Variants in MFHAS1 observed in about 807,000 individuals in gnomAD.
MFHAS1 encodes the protein multifunctional ROCO family signaling regulator 1.
A neutral mutation model predicts 70.4 loss-of-function variants in MFHAS1; 50 were observed. The ratio of observed to expected loss-of-function variants is 0.71; its 90% confidence interval spans 0.57 to 0.90. The LOEUF (loss-of-function observed/expected upper bound fraction) is 0.90. Among genes scored for constraint, MFHAS1 ranks in the 40% least tolerant of loss-of-function variants. The probability of loss-of-function intolerance (pLI) is 0.00; values close to 1 mark genes in which losing one functional copy is unlikely to be tolerated. For missense variants in MFHAS1, 1,795 were observed against 1,347.6 expected (o/e 1.33, Z -5.20); for synonymous variants, 952 against 620.0 (o/e 1.54, Z -7.96).
rs576184548 is a variant in MFHAS1 at position 8,787,111 on chromosome 8, C to T, written c.3126-1056G>A. On this transcript the variant is annotated intron_variant, in intron 2 of 2. Transcript: ENST00000276282. ...TTTTTTTTTTTTTGAGACAGAGTCT[C>T]GCTCTGTTGCCCAGGCTGGAGTGCA... is the stretch of plus-strand genomic sequence containing the variant. 3.1e-3 allele frequency among the ~76,000 whole-genome samples: 457 copies of T among 148,886 alleles called. 3 individuals carry two copies. The highest frequency in any genetic ancestry group is 0.01 in the African/African-American group (419 of 40,200).
chr8:8,788,451 G>A lies in MFHAS1; in HGVS notation c.3126-2396C>T, dbSNP rs901239756. Among the ~76,000 whole-genome samples the A allele has an allele frequency of 6.6e-5, 10 of 152,254 alleles. 1 individual carries two copies. The highest frequency in any genetic ancestry group is 2.4e-4 in the African/African-American group (10 of 41,462). On this transcript the variant is annotated intron_variant, in intron 2 of 2. Coordinates refer to ENST00000276282, the MANE Select transcript of MFHAS1 (RefSeq NM_004225.3). ...CCCACTGCTTTGGAAGGCTGAGGCA[G>A]GCAGATCACCTGAGGTCAGGAGTTT...
Position 8,805,183 on chromosome 8 carries a change from A to AT in MFHAS1, c.2999-7693dup, listed in dbSNP as rs768885141. On this transcript the variant is annotated intron_variant, in intron 1 of 2. Transcript: ENST00000276282. ...GGAAAAAACTGCTACTATTTTTCAA[A>AT]TCTCTACCAGAATTTAGTCTCTTCC... Among the ~76,000 whole-genome samples, 10 of 152,288 alleles carry AT rather than the reference A, an allele frequency of 6.6e-5. No individual in the cohort carries two copies. In the South Asian group the frequency reaches 2.1e-3, roughly 32 times the overall value.
chr8:8,867,276 T>C (rs983783191), intron 1 of MFHAS1, among the ~76,000 whole-genome samples: 3 of 152,230 alleles, frequency 2.0e-5, no homozygotes, highest in Non-Finnish European at 4.4e-5. Context: ...TATAAACTTT[T>C]TGTTACATTT....
chr8:8,886,432 C>T lies in MFHAS1; in HGVS notation c.2998+3629G>A, dbSNP rs538164409. ...ATCCTCCTGCCTCAGCCTCCCAAAG[C>T]AAAGGGATTACAGCCCTGAGCCACT... is the stretch of plus-strand genomic sequence containing the variant. On this transcript the variant is annotated intron_variant, in intron 1 of 2. Transcript: ENST00000276282. 3.3e-5 allele frequency among the ~76,000 whole-genome samples: 5 copies of T among 152,078 alleles called. No homozygotes were observed. The South Asian group carries it at 1.0e-3, about 32-fold the overall frequency.
At chr8:8,844,071 G>A (rs1192690240) in intron 1 of MFHAS1, among the ~76,000 whole-genome samples, 1 of 152,200 alleles carries the variant, frequency 6.6e-6, no homozygotes. Flanking sequence ...TGAAAAGAAT[G>A]ACAGATGGAG....
At chr8:8,858,331 T>A (rs1430590196) in intron 1 of MFHAS1, among the ~76,000 whole-genome samples, 1 of 152,174 alleles carries the variant, frequency 6.6e-6, no homozygotes, top group East Asian at 1.9e-4. Flanking sequence ...CTCAGATGTC[T>A]CCATGTCATC....
chr8:8,870,909 A>G (rs1250311433), intron 1 of MFHAS1, among the ~76,000 whole-genome samples: 1 of 152,160 alleles, frequency 6.6e-6, no homozygotes. Flanking sequence ...CATTTCACAC[A>G]AGGAGTCCTT....
intron 1 of MFHAS1, among the ~76,000 whole-genome samples, chr8:8,826,306 T>A (rs529752376): frequency 8.6e-5 from 13 of 151,302 alleles, no homozygotes; most frequent in African/African-American, 2.2e-4. Context: ...CAATATCCCT[T>A]CTCCTCTTCT....
In MFHAS1 at chr8:8,784,484, G is replaced by T. The variant is rs1478675203; in HGVS notation, c.*1538C>A. On this transcript the variant is annotated 3_prime_UTR_variant, in exon 3 of 3. Coordinates refer to ENST00000276282, the MANE Select transcript of MFHAS1 (RefSeq NM_004225.3). The stretch of plus-strand genomic sequence containing the variant: ...TAAGAAATCATTCTCTGAACTGCAG[G>T]TTCTGGAGTCAGTGAAATTAATGCC... The T allele has an allele frequency of 6.6e-6, 1 of 152,174 alleles. No individual in the cohort carries two copies. The highest frequency in any genetic ancestry group is 1.5e-5 in the Non-Finnish European group (1 of 68,034). 9.4% of individuals were successfully genotyped at this position (152,174 alleles called of 1,614,324 possible).
chr8:8,831,917 T>C (rs1019989451), intron 1 of MFHAS1, among the ~76,000 whole-genome samples: 2 of 152,160 alleles, frequency 1.3e-5, no homozygotes, highest in Non-Finnish European at 2.9e-5. Context: ...CAGCCGTCAA[T>C]TGATTTTTGA....
intron 1 of MFHAS1, among the ~76,000 whole-genome samples, chr8:8,819,272 A>G (rs564950916): frequency 2.0e-5 from 3 of 152,288 alleles, no homozygotes; most frequent in Admixed American, 2.0e-4. Context: ...TTATAAACAA[A>G]TCTCTAGATT....
At chr8:8,880,596 T>C (rs144652336) in intron 1 of MFHAS1, among the ~76,000 whole-genome samples, 37 of 152,164 alleles carry the variant, frequency 2.4e-4, no homozygotes, top group Middle Eastern at 3.4e-3. Context: ...AGCATGCTTG[T>C]TCAGATTTGC....
At chr8:8,789,643 C>T (rs1162150049) in intron 2 of MFHAS1, among the ~76,000 whole-genome samples, 1 of 152,176 alleles carries the variant, frequency 6.6e-6, no homozygotes, top group African/African-American at 2.4e-5. Context: ...CTGGTGCTTT[C>T]CTACTCCGGA....
intron 1 of MFHAS1, among the ~76,000 whole-genome samples, chr8:8,818,799 T>C (rs1806838906): frequency 6.6e-6 from 1 of 152,246 alleles, no homozygotes; most frequent in South Asian, 2.1e-4. Flanking sequence ...ACTTTCCTAC[T>C]TCCTTCTCTA....
intron 1 of MFHAS1, among the ~76,000 whole-genome samples, chr8:8,862,343 A>C (rs1808697817): frequency 6.7e-6 from 1 of 149,856 alleles, no homozygotes; most frequent in Non-Finnish European, 1.5e-5. Context: ...ATCTCTATTC[A>C]AAATATGTTA....
At position 8,819,328 on chromosome 8, in the gene MFHAS1, G is replaced by A. The variant is rs1027104906; in HGVS notation, c.2999-21837C>T. On this transcript the variant is annotated intron_variant, in intron 1 of 2. Coordinates refer to ENST00000276282, the MANE Select transcript of MFHAS1 (RefSeq NM_004225.3). ...CTTTAAGAATATCCAAGAATTGGCC[G>A]GGTGCGGTGGCTCACGCCTGTAATC... is the stretch of plus-strand genomic sequence containing the variant. Among the ~76,000 whole-genome samples the A allele has an allele frequency of 3.2e-4, 48 of 152,116 alleles. No individual in the cohort carries two copies. In the East Asian group the frequency reaches 5.8e-3, roughly 18 times the overall value.
chr8:8,869,237 C>A (rs751886913), intron 1 of MFHAS1, among the ~76,000 whole-genome samples: 6 of 152,122 alleles, frequency 3.9e-5, no homozygotes, highest in Non-Finnish European at 8.8e-5. Context: ...AACAGGATAG[C>A]AAAACCCGAT....
chr8:8,826,519 G>A (rs1055328228), intron 1 of MFHAS1, among the ~76,000 whole-genome samples: 2 of 152,114 alleles, frequency 1.3e-5, no homozygotes, highest in Admixed American at 6.5e-5. Context: ...GATCACTTAA[G>A]GTCACGAGTT....
chr8:8,874,462 C>T (rs1809214506), intron 1 of MFHAS1, among the ~76,000 whole-genome samples: 1 of 151,726 alleles, frequency 6.6e-6, no homozygotes, highest in African/African-American at 2.4e-5. Context: ...AGGTGCAGAA[C>T]AAGGAGTACA....
Sources: gnomAD v4.1 joint callset for allele counts (sites outside exome capture counted in the v4.1 genomes callset) on GRCh38, gnomAD v4.1.1 for gene constraint, MANE v1.5 for transcripts, NCBI Gene and HGNC (gene_info 2026-07-23, HGNC 2026-07-21) for gene names.